LMBR1: variants seen among roughly 807,000 people sequenced by gnomAD.
The protein encoded by LMBR1 is limb development membrane protein 1.
A neutral mutation model predicts 73.9 loss-of-function variants in LMBR1; 52 were observed. The ratio of observed to expected loss-of-function variants is 0.70; its 90% CI spans 0.56 to 0.89. LMBR1 has a LOEUF of 0.89. Ranked by LOEUF, LMBR1 falls within the 40% of genes least tolerant of loss-of-function variation. The pLI, the probability that LMBR1 is intolerant of heterozygous loss-of-function variation, is 0.00. For missense variants in LMBR1, 539 were observed against 579.8 expected, an observed-to-expected ratio of 0.93 and a Z score of 0.72; for synonymous variants, 215 against 209.4, an observed-to-expected ratio of 1.03 and a Z score of -0.23.
downstream of LMBR1, chr7:156,676,149 G>T: frequency 9.4e-7 from 1 of 1,063,500 alleles, no homozygotes; most frequent in East Asian, 2.6e-5. Flanking sequence ...GGTCCCTTCA[G>T]TTTGAAATTC....
intron 1 of LMBR1, among the ~76,000 whole-genome samples, chr7:156,842,070 T>C (rs1374179120): frequency 6.6e-6 from 1 of 150,638 alleles, no homozygotes; most frequent in Non-Finnish European, 1.5e-5. Flanking sequence ...TAGTTACGTG[T>C]GGTGAAAGCA....
chr7:156,831,519 T>C (rs1247878194), intron 3 of LMBR1, among the ~76,000 whole-genome samples: 1 of 152,044 alleles, frequency 6.6e-6, no homozygotes, highest in Non-Finnish European at 1.5e-5. Context: ...GGGAGACTAG[T>C]CAGACTCCTC....
At chr7:156,870,937 G>T (rs993444980) in intron 1 of LMBR1, among the ~76,000 whole-genome samples, 1 of 151,890 alleles carries the variant, frequency 6.6e-6, no homozygotes, top group African/African-American at 2.4e-5. Context: ...GCCCAAAGTT[G>T]CCAGAAGGAA....
chr7:156,756,268 A>G (rs961060473), intron 9 of LMBR1, 125 bp downstream of exon 9: 26 of 590,164 alleles, frequency 4.4e-5, no homozygotes, highest in Non-Finnish European at 6.3e-5. Flanking sequence ...TTATTACTCT[A>G]AAGTGTTCTC....
rs564386808 is a variant in LMBR1 at position 156,850,621 on chromosome 7, C to A, written c.67-13736G>T. ...CATGCTGTAGCATGTAACAATAGTTCTTTCCTCCAGACATTTTATGAGAAA... is the reference window on the plus strand; with the variant it reads ...CATGCTGTAGCATGTAACAATAGTTATTTCCTCCAGACATTTTATGAGAAA... On this transcript the variant is annotated intron_variant, in intron 1 of 16. Transcript: ENST00000353442. Among the ~76,000 whole-genome samples, 83 of 152,086 alleles carry A rather than the reference C, an allele frequency of 5.5e-4. 1 individual carries two copies. Among genetic ancestry groups the A allele is most frequent in the African/African-American group, 2.0e-3 (81 of 41,366 alleles).
At chr7:156,732,718 T>G (rs1817087714) in intron 10 of LMBR1, among the ~76,000 whole-genome samples, 1 of 152,192 alleles carries the variant, frequency 6.6e-6, no homozygotes, top group Non-Finnish European at 1.5e-5. Context: ...GCCTGAGCAG[T>G]GGGGAATACT....
At chr7:156,712,309 A>G (rs906674238) in intron 15 of LMBR1, among the ~76,000 whole-genome samples, 9 of 152,252 alleles carry the variant, frequency 5.9e-5, no homozygotes, top group African/African-American at 2.2e-4. Context: ...ACACAATGTG[A>G]TATTATCTTA....
chr7:156,715,953 AGCAAGACAAATG>A (rs1813114194), intron 15 of LMBR1, among the ~76,000 whole-genome samples: 1 of 152,256 alleles, frequency 6.6e-6, no homozygotes, highest in Non-Finnish European at 1.5e-5. Context: ...CCAGGGCAAA[AGCAAGACAAATG>A]GAGTATCTTA....
At chr7:156,878,758 G>A (rs763013481) in intron 1 of LMBR1, among the ~76,000 whole-genome samples, 4 of 152,088 alleles carry the variant, frequency 2.6e-5, no homozygotes, top group Non-Finnish European at 4.4e-5. Flanking sequence ...ACAAGTCTAA[G>A]CAAAAAGAAC....
rs568708311 is a variant in LMBR1, at chr7:156,797,273, G to T, written c.320-781C>A. ...CAAAAGACAGAGCCCTGTTAGGTAT[G>T]TCATTGGGAGGGTATTTGGCCCAAC... On this transcript the variant is annotated intron_variant, in intron 4 of 16. Transcript: ENST00000353442. Among the ~76,000 whole-genome samples the T allele has an allele frequency of 1.4e-4, 22 of 152,288 alleles. No individual in the cohort carries two copies. In the East Asian group the frequency reaches 4.2e-3, roughly 29 times the overall value.
chr7:156,710,461 A>G (rs1192777611), intron 15 of LMBR1, among the ~76,000 whole-genome samples: 1 of 152,212 alleles, frequency 6.6e-6, no homozygotes, highest in African/African-American at 2.4e-5. Context: ...AAATTAACCC[A>G]ACTGGACAAA....
At chr7:156,859,358 G>C (rs1236538684) in intron 1 of LMBR1, among the ~76,000 whole-genome samples, 1 of 151,668 alleles carries the variant, frequency 6.6e-6, no homozygotes, top group East Asian at 1.9e-4. Flanking sequence ...AGCTAATACA[G>C]TAAGACAAGA....
intron 1 of LMBR1, among the ~76,000 whole-genome samples, chr7:156,838,178 A>G (rs1462009874): frequency 6.6e-6 from 1 of 152,152 alleles, no homozygotes; most frequent in Non-Finnish European, 1.5e-5. Context: ...GAATGGCTCA[A>G]TCAAGCTAAT....
At chr7:156,735,552 T>TG (rs1422371588) in intron 9 of LMBR1, among the ~76,000 whole-genome samples, 9 of 151,266 alleles carry the variant, frequency 5.9e-5, no homozygotes, top group Admixed American at 2.0e-4. Flanking sequence ...AGTGGTGTTT[T>TG]TTTTTTTTTC....
At chr7:156,768,359 CA>C (rs1284943288) in intron 5 of LMBR1, among the ~76,000 whole-genome samples, 4 of 146,008 alleles carry the variant, frequency 2.7e-5, no homozygotes, top group South Asian at 2.2e-4. Flanking sequence ...GACTCGGTCT[CA>C]AAAAAAAACA....
chr7:156,768,056 C>A, intron 5 of LMBR1, among the ~76,000 whole-genome samples: 1 of 152,080 alleles, frequency 6.6e-6, no homozygotes, highest in Non-Finnish European at 1.5e-5. Flanking sequence ...GTACATAGCG[C>A]TTCATTGTTA....
intron 1 of LMBR1, among the ~76,000 whole-genome samples, chr7:156,843,848 A>G (rs528790859): frequency 4.0e-5 from 6 of 151,116 alleles, no homozygotes; most frequent in South Asian, 2.1e-4. Context: ...AAAAAAAAAA[A>G]AAAGAAAGAA....
intron 1 of LMBR1, among the ~76,000 whole-genome samples, chr7:156,881,910 A>G (rs1389730560): frequency 6.6e-6 from 1 of 152,164 alleles, no homozygotes; most frequent in Non-Finnish European, 1.5e-5. Context: ...GCTATGGAAA[A>G]TATGTGGGTT....
At position 156,679,888 on chromosome 7, in the gene LMBR1, T is replaced by C. The variant is rs1195328002; in HGVS notation, c.*4190A>G. 1.3e-5 allele frequency: 2 copies of C among 152,214 alleles called. No individual in the cohort carries two copies. The highest frequency in any genetic ancestry group is 3.8e-4 in the East Asian group (2 of 5,204). 9.4% of individuals were successfully genotyped at this position (152,214 alleles called of 1,614,324 possible). On this transcript the variant is annotated 3_prime_UTR_variant, in exon 17 of 17. Transcript: ENST00000353442. ...AGTTCCTATTTGATTATAGTTAACC[T>C]TGAAAAAATTTTTTCCTAATTAAAG... is the stretch of plus-strand genomic sequence containing the variant.
Sources: gnomAD v4.1 joint callset for allele counts (sites outside exome capture counted in the v4.1 genomes callset) on GRCh38, gnomAD v4.1.1 for gene constraint, MANE v1.5 for transcripts, NCBI Gene and HGNC (gene_info 2026-07-23, HGNC 2026-07-21) for gene names.